The following CDC5L variants were observed in gnomAD, a reference collection of about 807,000 sequenced individuals.
CDC5L encodes the protein cell division cycle 5 like.
CDC5L carries 18 observed loss-of-function variants against 104.1 expected under a neutral mutation model. That is an observed-to-expected ratio of 0.17 (90% CI 0.12 to 0.26). The LOEUF is 0.26. Among genes scored for constraint, CDC5L ranks in the 10% least tolerant of loss-of-function variants. The probability of loss-of-function intolerance (pLI) is 1.00; values close to 1 mark genes in which losing one functional copy is unlikely to be tolerated. For synonymous variants in CDC5L, 331 were observed against 322.7 expected (o/e 1.03, Z -0.28); for missense variants, 673 against 956.9 (o/e 0.70, Z 3.91).
chr6:44,393,719 A>G (rs1790727242), intron 4 of CDC5L, 146 bp downstream of exon 4: 2 of 772,174 alleles, frequency 2.6e-6, no homozygotes, highest in Admixed American at 3.3e-5. Flanking sequence ...GGCTGGAATG[A>G]AGTGGCACAA....
At chr6:44,421,696 A>G (rs1051974539) in intron 9 of CDC5L, among the ~76,000 whole-genome samples, 2 of 152,254 alleles carry the variant, frequency 1.3e-5, no homozygotes, top group Admixed American at 6.5e-5. Context: ...AATACAATGT[A>G]CCAACTATTT....
Position 44,419,519 on chromosome 6 carries a change from A to G in CDC5L, c.1163A>G (p.His388Arg), listed in dbSNP as rs1426212625. The G allele has an allele frequency of 6.2e-7, 1 of 1,613,798 alleles. No homozygotes were observed. Residue 388 changes from histidine to arginine, a missense_variant, in exon 9 of 16, where the codon CAT becomes CGT. Around this residue, in one of 4 missense-constraint regions of CDC5L, gnomAD observed 578 missense variants for 737.0 expected, o/e 0.78. Transcript: ENST00000371477. ...AAAGGTGGACTTAATACCCCATTGCATGAGAGTGACTTCTCAGGTGTAACT... is the reference window on the plus strand; with the variant it reads ...AAAGGTGGACTTAATACCCCATTGCGTGAGAGTGACTTCTCAGGTGTAACT... ...PLKGGLNTPL[H>R]ESDFSGVTPQ...
In CDC5L at chr6:44,393,461, A is replaced by G. The variant is rs757871760; in HGVS notation, c.327A>G (p.Gln109=). The change falls in exon 4 of 16, where the codon CAA becomes CAG. Residue 109 remains glutamine, a synonymous_variant. Coordinates refer to ENST00000371477, the MANE Select transcript of CDC5L (RefSeq NM_001253.4). Reference sequence around the variant, plus strand: ...TTTTTTCTAGGGATAAAGCTGCCCAAAGAGACAATGAAGAGGAAACAACAG... The same window carrying G: ...TTTTTTCTAGGGATAAAGCTGCCCAGAGAGACAATGAAGAGGAAACAACAG... The part of the protein sequence containing the change: ...HYEFLLDKAA[Q]RDNEEETTDD... 10 of 1,613,922 alleles carry G rather than the reference A, an allele frequency of 6.2e-6. No homozygotes were observed. Among genetic ancestry groups the G allele is most frequent in the Non-Finnish European group, 8.5e-6 (10 of 1,179,896 alleles).
intron 9 of CDC5L, among the ~76,000 whole-genome samples, chr6:44,421,822 A>C (rs1792188871): frequency 6.6e-6 from 1 of 152,154 alleles, no homozygotes; most frequent in Non-Finnish European, 1.5e-5. Flanking sequence ...CAGGGAGTTG[A>C]GTATCTGCAG....
chr6:44,426,094 AT>A lies in CDC5L; in HGVS notation c.1570-3del. 1.9e-6 allele frequency: 3 copies of A among 1,573,284 alleles called. No homozygotes were observed. The highest frequency in any genetic ancestry group is 1.2e-5 in the South Asian group (1 of 85,724). Reference sequence around the variant, plus strand: ...AGCTGCAATAAAGGATATAAAAATCATTTTTTAGGCCATACGAGATGCAGAG... The same window carrying A: ...AGCTGCAATAAAGGATATAAAAATCATTTTTAGGCCATACGAGATGCAGAG... On this transcript the variant is annotated splice_region_variant and splice_polypyrimidine_tract_variant and intron_variant, in intron 11 of 15. Coordinates refer to ENST00000371477, the MANE Select transcript of CDC5L (RefSeq NM_001253.4).
intron 9 of CDC5L, among the ~76,000 whole-genome samples, chr6:44,420,400 C>T (rs2153380748): frequency 6.6e-6 from 1 of 151,714 alleles, no homozygotes; most frequent in East Asian, 1.9e-4. Context: ...CTTTTCTTGC[C>T]CAGGCTGGAG....
At chr6:44,446,574 T>G (rs1793463644) in intron 15 of CDC5L, 33 bp from the exon 16 acceptor site, 3 of 1,043,780 alleles carry the variant, frequency 2.9e-6, no homozygotes, top group African/African-American at 1.6e-5. Flanking sequence ...TATAGTTACA[T>G]CTAAAATAAT....
chr6:44,446,561 C>T (rs761630446), intron 15 of CDC5L, 46 bp from the exon 16 acceptor site: 2 of 835,602 alleles, frequency 2.4e-6, no homozygotes, highest in South Asian at 1.9e-5. Context: ...AGATTTTTTT[C>T]AGTATAGTTA....
intron 5 of CDC5L, among the ~76,000 whole-genome samples, chr6:44,398,375 A>G (rs1337388432): frequency 6.6e-6 from 1 of 152,164 alleles, no homozygotes; most frequent in Non-Finnish European, 1.5e-5. Context: ...GGACACAGCA[A>G]ATGCATATGT....
chr6:44,414,391 TGTGTGTG>T (rs1791812473), intron 8 of CDC5L, among the ~76,000 whole-genome samples: 1 of 116,556 alleles, frequency 8.6e-6, no homozygotes, highest in African/African-American at 3.4e-5. Context: ...CCTGTGTGTG[TGTGTGTG>T]TGTGTGTGTG....
chr6:44,438,424 C>T (rs1029104221), intron 14 of CDC5L, among the ~76,000 whole-genome samples: 1 of 152,174 alleles, frequency 6.6e-6, no homozygotes, highest in Admixed American at 6.5e-5. Flanking sequence ...CTGTTAGAAT[C>T]ATTTGGGAGT....
intron 13 of CDC5L, among the ~76,000 whole-genome samples, 170 bp downstream of exon 13, chr6:44,426,894 A>G (rs1327959268): frequency 6.6e-6 from 1 of 152,226 alleles, no homozygotes; most frequent in Non-Finnish European, 1.5e-5. Flanking sequence ...CATGCTTTAA[A>G]TACCTCCATC....
chr6:44,400,221 G>A (rs376475596), intron 5 of CDC5L, among the ~76,000 whole-genome samples: 6 of 152,026 alleles, frequency 3.9e-5, no homozygotes, highest in East Asian at 1.9e-4. Flanking sequence ...GGCAGTTTCC[G>A]TTGCTTGCAT....
chr6:44,419,273 A>G (rs1449620169), intron 8 of CDC5L, among the ~76,000 whole-genome samples, 176 bp from the exon 9 acceptor site: 1 of 152,226 alleles, frequency 6.6e-6, no homozygotes, highest in African/African-American at 2.4e-5. Context: ...TTAGATTGAT[A>G]GAAGGAATGG....
At chr6:44,395,239 A>G (rs910461478) in intron 4 of CDC5L, among the ~76,000 whole-genome samples, 4 of 152,244 alleles carry the variant, frequency 2.6e-5, no homozygotes, top group Non-Finnish European at 2.9e-5. Flanking sequence ...AGTGTATTAC[A>G]TATTTCAAAG....
In CDC5L at chr6:44,396,423, A is replaced by G. The variant is rs755658680; in HGVS notation, c.522A>G (p.Lys174=). The G allele has an allele frequency of 6.2e-7, 1 of 1,609,976 alleles. No individual in the cohort carries two copies. Among genetic ancestry groups the G allele is most frequent in the South Asian group, 1.1e-5 (1 of 90,642 alleles). Residue 174 remains lysine (K), a synonymous_variant, in exon 5 of 16, where the codon AAA becomes AAG. Transcript: ENST00000371477. ...AGGCCAAGAGGAAAGCAAGAGAGAA[A>G]CAATTGGAAGAAGCAAGGTATGTGT... ...GKKAKRKARE[K]QLEEARRLAA...
At chr6:44,418,323 A>G (rs1791996021) in intron 8 of CDC5L, among the ~76,000 whole-genome samples, 1 of 152,198 alleles carries the variant, frequency 6.6e-6, no homozygotes, top group Non-Finnish European at 1.5e-5. Context: ...AAAGGACATG[A>G]ACTCATCATT....
intron 5 of CDC5L, among the ~76,000 whole-genome samples, chr6:44,399,977 A>T (rs1003552447): frequency 9.3e-5 from 14 of 151,216 alleles, no homozygotes; most frequent in Admixed American, 2.0e-4. Context: ...TTAAATAAAT[A>T]TTTTTTTTCA....
chr6:44,418,438 A>G (rs568703039), intron 8 of CDC5L, among the ~76,000 whole-genome samples: 78 of 152,304 alleles, frequency 5.1e-4, no homozygotes, highest in Non-Finnish European at 1.2e-4. Flanking sequence ...GCTATTGTGA[A>G]TAGTGCCACA....
Sources: allele counts gnomAD v4.1 joint callset (sites outside exome capture counted in the v4.1 genomes callset), GRCh38; gene constraint gnomAD v4.1.1; regional missense constraint gnomAD v4.1.1; transcripts MANE v1.5; gene names NCBI Gene and HGNC (gene_info 2026-07-23, HGNC 2026-07-21).